The following TMEM150B variants were observed in gnomAD, a reference collection of about 807,000 sequenced individuals.
TMEM150B encodes the protein modulator of macroautophagy TMEM150B.
Under a neutral mutation model 25.2 loss-of-function variants are expected in TMEM150B, and 33 were observed. The ratio of observed to expected loss-of-function variants is 1.31; its 90% CI spans 0.99 to 1.75. The LOEUF (loss-of-function observed/expected upper bound fraction) is 1.75, where lower values mean the gene tolerates loss of function less well. Among genes scored for constraint, TMEM150B ranks in the 40% most tolerant of loss-of-function variants. The probability of loss-of-function intolerance (pLI) is 0.00; values close to 1 mark genes in which losing one functional copy is unlikely to be tolerated. For missense variants in TMEM150B, 322 were observed against 306.1 expected, an observed-to-expected ratio of 1.05 and a Z score of -0.39; for synonymous variants, 133 against 134.8, an observed-to-expected ratio of 0.99 and a Z score of 0.09.
In TMEM150B at chr19:55,319,871, A is replaced by G. The variant is rs1184120768; in HGVS notation, c.324+168T>C. 8 of 1,438,060 alleles carry G rather than the reference A, an allele frequency of 5.6e-6. No individual in the cohort carries two copies. The South Asian group carries it at 1.0e-4, about 19-fold the overall frequency. The allele number at this position is 1,438,060 out of a possible 1,614,324, so 89.1% of individuals were successfully genotyped here. ...GCTCGTAGTGCCCCACTCAGAGAGC[A>G]AAGGAATCCAGCCGGTCCAAGGCCA... is the stretch of plus-strand genomic sequence containing the variant. On this transcript the variant is annotated intron_variant, in intron 6 of 7. Coordinates refer to ENST00000326652, the MANE Select transcript of TMEM150B (RefSeq NM_001282011.2).
chr19:55,324,415 C>T (rs949979698), intron 1 of TMEM150B, among the ~76,000 whole-genome samples: 24 of 151,098 alleles, frequency 1.6e-4, no homozygotes, highest in African/African-American at 4.4e-4. Context: ...TTTGGGAGGC[C>T]GAGGTGGGCA....
chr19:55,320,764 AT>A (rs1455085886), intron 3 of TMEM150B, 147 bp from the exon 4 acceptor site: 1 of 966,590 alleles, frequency 1.0e-6, no homozygotes, highest in Non-Finnish European at 1.5e-6. Context: ...AGGAGTCCAG[AT>A]CCCCCAGCCC....
intron 1 of TMEM150B, among the ~76,000 whole-genome samples, chr19:55,323,722 C>G (rs1455088230): frequency 6.7e-6 from 1 of 150,346 alleles, no homozygotes; most frequent in Non-Finnish European, 1.5e-5. Flanking sequence ...AGGCTGGTCT[C>G]GAACTCCCAA....
At chr19:55,324,295 G>A (rs1441520509) in intron 1 of TMEM150B, among the ~76,000 whole-genome samples, 3 of 151,710 alleles carry the variant, frequency 2.0e-5, no homozygotes, top group African/African-American at 7.3e-5. Flanking sequence ...CTGAGGTCAG[G>A]AGATCGAGAC....
At chr19:55,318,846 G>A (rs999815597) in intron 6 of TMEM150B, among the ~76,000 whole-genome samples, 6 of 152,170 alleles carry the variant, frequency 3.9e-5, no homozygotes, top group Admixed American at 1.3e-4. Context: ...TGTTCACCAG[G>A]CTGGAGTGCA....
At chr19:55,320,893 C>G in intron 3 of TMEM150B, 76 bp downstream of exon 3, 1 of 1,540,626 alleles carries the variant, frequency 6.5e-7, no homozygotes, top group Non-Finnish European at 8.8e-7. Flanking sequence ...ACCCCTTCCT[C>G]CCTCAGACCC....
At chr19:55,324,028 A>C (rs1351154631) in intron 1 of TMEM150B, among the ~76,000 whole-genome samples, 2 of 144,814 alleles carry the variant, frequency 1.4e-5, no homozygotes, top group Non-Finnish European at 3.0e-5. Context: ...GGCTGGCCTC[A>C]AAATGCTGAC....
downstream of TMEM150B, among the ~76,000 whole-genome samples, chr19:55,310,757 G>T (rs961239469): frequency 4.6e-5 from 7 of 152,114 alleles, no homozygotes; most frequent in Non-Finnish European, 1.0e-4. The surrounding 1 kb of genome is among the most constrained non-coding windows in gnomAD (Gnocchi z 5.0). Context: ...GTTGCTAGGG[G>T]CAACCGGAAA....
downstream of TMEM150B, among the ~76,000 whole-genome samples, chr19:55,311,458 G>A (rs544131952): frequency 2.2e-3 from 340 of 152,188 alleles, 4 homozygotes; most frequent in Non-Finnish European, 3.7e-3. Context: ...AGACCCCCCC[G>A]ACTCCACCAG....
In TMEM150B at chr19:55,316,806, C is replaced by G; in HGVS notation, c.485G>C (p.Cys162Ser). 1 of 1,559,712 alleles carries G rather than the reference C, an allele frequency of 6.4e-7. No individual in the cohort carries two copies. Among genetic ancestry groups the G allele is most frequent in the East Asian group, 2.3e-5 (1 of 42,608 alleles). The change falls in exon 7 of 8, where the codon TGC becomes TCC. Residue 162 changes from cysteine to serine, a missense_variant. Transcript: ENST00000326652. ...GATACTGGCCACAATGAGGATGGTG[C>G]AGACGCTGCAGAGGCCCAGGCGGAG... ...GPLRLGLCSV[C>S]TILIVAMIVL...
chr19:55,313,140 G>T (rs749591097), intron 7 of TMEM150B, 85 bp from the exon 8 acceptor site: 53 of 1,403,272 alleles, frequency 3.8e-5, no homozygotes, highest in Non-Finnish European at 4.9e-5. Context: ...CTGGGCGGAG[G>T]CCGTCTCTGG....
chr19:55,317,458 C>T (rs963875856), intron 6 of TMEM150B, among the ~76,000 whole-genome samples: 1 of 152,052 alleles, frequency 6.6e-6, no homozygotes, highest in African/African-American at 2.4e-5. Context: ...CCCACCTGAG[C>T]AACATGGCAA....
At chr19:55,311,108 C>T (rs371265814), downstream of TMEM150B, among the ~76,000 whole-genome samples, 22 of 152,050 alleles carry the variant, frequency 1.4e-4, no homozygotes, top group African/African-American at 4.6e-4. Context: ...ATTACAGGTG[C>T]GTGCCACCAC....
downstream of TMEM150B, chr19:55,312,269 CTATTT>C (rs543109592): frequency 9.8e-4 from 298 of 303,064 alleles, no homozygotes; most frequent in Middle Eastern, 8.2e-3. Flanking sequence ...GGAGCTGTTT[CTATTT>C]TATTTATTGA....
downstream of TMEM150B, chr19:55,312,490 C>T (rs12985360): frequency 1.5e-4 from 21 of 137,574 alleles, no homozygotes; most frequent in East Asian, 2.7e-3. Context: ...ATTCTGGTTT[C>T]GCGTGATCCT....
At chr19:55,310,587 TC>T (rs2088763645), downstream of TMEM150B, among the ~76,000 whole-genome samples, 1 of 151,964 alleles carries the variant, frequency 6.6e-6, no homozygotes, top group South Asian at 2.1e-4. The surrounding 1 kb of genome is among the most constrained non-coding windows in gnomAD (Gnocchi z 5.0). Context: ...GAGACATTTT[TC>T]CTCCCCTCAA....
At chr19:55,318,548 A>T in intron 6 of TMEM150B, among the ~76,000 whole-genome samples, 1 of 151,876 alleles carries the variant, frequency 6.6e-6, no homozygotes, top group East Asian at 1.9e-4. Flanking sequence ...AGGCAGGAGA[A>T]TCGCTTGAAC....
intron 2 of TMEM150B, among the ~76,000 whole-genome samples, chr19:55,321,481 C>T (rs1383264503): frequency 6.6e-6 from 1 of 152,052 alleles, no homozygotes; most frequent in African/African-American, 2.4e-5. Flanking sequence ...GAGGCAAAGT[C>T]CCAGCTGGAG....
downstream of TMEM150B, chr19:55,311,912 C>T (rs763758750): frequency 1.6e-5 from 26 of 1,611,150 alleles, no homozygotes; most frequent in South Asian, 3.3e-5. Context: ...CCCTTGCAGA[C>T]GAGAAGAACG....
Sources: allele counts gnomAD v4.1 joint callset (sites outside exome capture counted in the v4.1 genomes callset), GRCh38; gene constraint gnomAD v4.1.1; non-coding constraint Gnocchi (gnomAD v3.1); transcripts MANE v1.5; gene names NCBI Gene and HGNC (gene_info 2026-07-23, HGNC 2026-07-21).